Variants in RBFOX1 observed in about 807,000 individuals in gnomAD.
RBFOX1 encodes the protein RNA binding protein fox-1 homolog 1.
Under a neutral mutation model 57.7 loss-of-function variants are expected in RBFOX1, and 8 were observed. That is an observed-to-expected ratio of 0.14 (90% CI 0.08 to 0.25). RBFOX1 has a LOEUF of 0.25. Ranked by LOEUF, RBFOX1 falls within the 10% of genes least tolerant of loss-of-function variation. The pLI, the probability that RBFOX1 is intolerant of heterozygous loss-of-function variation, is 1.00. For synonymous variants in RBFOX1, 326 were observed against 222.4 expected (o/e 1.47, Z -4.15); for missense variants, 611 against 548.5 (o/e 1.11, Z -1.14).
At chr16:5,380,201 G>C (rs558593368) in intron 1 of RBFOX1, among the ~76,000 whole-genome samples, 12 of 152,362 alleles carry the variant, frequency 7.9e-5, no homozygotes, top group African/African-American at 2.2e-4. Context: ...TGGCTGCTCA[G>C]CTTCCTCCAT....
chr16:6,594,287 G>C (rs568789098), intron 2 of RBFOX1, among the ~76,000 whole-genome samples: 2 of 152,248 alleles, frequency 1.3e-5, no homozygotes, highest in East Asian at 1.9e-4. Flanking sequence ...GAACCATCTA[G>C]ACAGCCATAC....
At chr16:6,890,477 C>A (rs578240383) in intron 3 of RBFOX1, among the ~76,000 whole-genome samples, 1 of 152,094 alleles carries the variant, frequency 6.6e-6, no homozygotes, top group Non-Finnish European at 1.5e-5. Context: ...TGAGATAGCA[C>A]CATGGCACTC....
intron 2 of RBFOX1, among the ~76,000 whole-genome samples, chr16:6,485,538 T>TTTTC (rs78510565): frequency 1.2e-4 from 18 of 151,978 alleles, no homozygotes; most frequent in Non-Finnish European, 2.2e-4. Context: ...CAGAGCCTGT[T>TTTTC]TTTCTTTCTT....
chr16:7,474,942 A>T (rs2062332734), intron 4 of RBFOX1, among the ~76,000 whole-genome samples: 1 of 152,182 alleles, frequency 6.6e-6, no homozygotes, highest in Non-Finnish European at 1.5e-5. Context: ...TGTTGGTCAA[A>T]GCACCAATGC....
intron 1 of RBFOX1, chr16:5,270,829 C>G (rs1322035111): frequency 4.6e-6 from 2 of 435,042 alleles, no homozygotes; most frequent in Non-Finnish European, 4.4e-6. Context: ...CTGGAGAACC[C>G]TTGGTTTGAA....
intron 4 of RBFOX1, among the ~76,000 whole-genome samples, chr16:7,083,770 G>A (rs939456647): frequency 1.4e-5 from 2 of 145,770 alleles, no homozygotes; most frequent in South Asian, 2.1e-4. Context: ...AGAAGGCACC[G>A]TGCATGGGTC....
chr16:7,416,931 G>T (rs141340496), intron 4 of RBFOX1, among the ~76,000 whole-genome samples: 1 of 152,254 alleles, frequency 6.6e-6, no homozygotes, highest in African/African-American at 2.4e-5. Context: ...CAGAAAACTG[G>T]GGCTTAGAGA....
intron 1 of RBFOX1, among the ~76,000 whole-genome samples, chr16:5,266,743 G>GA (rs2062868750): frequency 6.6e-6 from 1 of 151,828 alleles, no homozygotes; most frequent in East Asian, 2.0e-4. Flanking sequence ...TTTTTGCAGA[G>GA]AGGGGGGGTC....
At chr16:5,805,715 C>T (rs1427462913) in intron 3 of RBFOX1, among the ~76,000 whole-genome samples, 1 of 152,172 alleles carries the variant, frequency 6.6e-6, no homozygotes, top group Non-Finnish European at 1.5e-5. Context: ...GGTTGCCTGA[C>T]ATGAATGTGG....
At chr16:5,672,911 A>G (rs1175246207) in intron 3 of RBFOX1, among the ~76,000 whole-genome samples, 1 of 151,662 alleles carries the variant, frequency 6.6e-6, no homozygotes, top group Non-Finnish European at 1.5e-5. Flanking sequence ...ATTTTTAATA[A>G]TTAATAGTAG....
intron 1 of RBFOX1, chr16:5,366,278 T>C: frequency 2.6e-6 from 1 of 384,582 alleles, no homozygotes; most frequent in Admixed American, 3.3e-5. Context: ...CCGATGAAGA[T>C]GATGCTGGTC....
At chr16:7,444,905 G>A (rs986166252) in intron 4 of RBFOX1, among the ~76,000 whole-genome samples, 3 of 152,116 alleles carry the variant, frequency 2.0e-5, no homozygotes, top group Non-Finnish European at 2.9e-5. Context: ...GTTACTACGC[G>A]TAACAGCTTA....
At chr16:6,877,840 C>G (rs558306313) in intron 3 of RBFOX1, among the ~76,000 whole-genome samples, 1 of 152,150 alleles carries the variant, frequency 6.6e-6, no homozygotes, top group East Asian at 1.9e-4. Context: ...AGTCTTCTTC[C>G]TATCCCCAAA....
chr16:6,945,379 G>C (rs1415198380), intron 3 of RBFOX1, among the ~76,000 whole-genome samples: 1 of 152,044 alleles, frequency 6.6e-6, no homozygotes, highest in South Asian at 2.1e-4. Context: ...TTGCTGGTCT[G>C]AACAACCTGT....
intron 2 of RBFOX1, among the ~76,000 whole-genome samples, chr16:6,317,642 C>T (rs1206424653): frequency 2.0e-5 from 3 of 152,076 alleles, no homozygotes; most frequent in Non-Finnish European, 4.4e-5. Context: ...CTGCCTTTCT[C>T]ATTGCATGCA....
chr16:7,525,629 G>T (rs1436626406), intron 5 of RBFOX1, among the ~76,000 whole-genome samples: 1 of 152,118 alleles, frequency 6.6e-6, no homozygotes, highest in Non-Finnish European at 1.5e-5. Context: ...TGTGTGTTTG[G>T]GTGTGGCTTT....
chr16:7,490,022 G>T lies in RBFOX1; in HGVS notation c.28-28125G>T, dbSNP rs570594746. Among the ~76,000 whole-genome samples, 4 of 152,258 alleles carry T rather than the reference G, an allele frequency of 2.6e-5. No homozygotes were observed. The South Asian group carries it at 8.3e-4, about 32-fold the overall frequency. On this transcript the variant is annotated intron_variant, in intron 4 of 15. Coordinates refer to ENST00000550418, the MANE Select transcript of RBFOX1 (RefSeq NM_018723.4). ...CTCCTTTTGAATGGACAGAAAGGTA[G>T]ACCTGTGTCTCCCCATGTTTCTCTG...
At chr16:5,457,802 T>C (rs1240052300) in intron 1 of RBFOX1, among the ~76,000 whole-genome samples, 4 of 152,236 alleles carry the variant, frequency 2.6e-5, no homozygotes, top group African/African-American at 9.6e-5. Flanking sequence ...GAATTTTGTC[T>C]TTCTTTCCAC....
At chr16:7,428,446 C>G (rs985273088) in intron 4 of RBFOX1, among the ~76,000 whole-genome samples, 10 of 147,790 alleles carry the variant, frequency 6.8e-5, no homozygotes, top group Admixed American at 2.0e-4. Flanking sequence ...CCTGCCTCAG[C>G]CCCCTGAGTA....
Sources: gnomAD v4.1 joint callset for allele counts (sites outside exome capture counted in the v4.1 genomes callset) on GRCh38, gnomAD v4.1.1 for gene constraint, MANE v1.5 for transcripts, NCBI Gene and HGNC (gene_info 2026-07-23, HGNC 2026-07-21) for gene names.